PTPRH: variants seen among roughly 807,000 people sequenced by gnomAD.
The protein encoded by PTPRH is receptor-type tyrosine-protein phosphatase H.
PTPRH carries 113 observed loss-of-function variants against 130.2 expected under a neutral mutation model. The observed-to-expected ratio is 0.87, with a 90% CI of 0.75 to 1.01. The LOEUF is 1.01. Among genes scored for constraint, PTPRH ranks in the 50% least tolerant of loss-of-function variants. The pLI is 0.00. For synonymous variants in PTPRH, 556 were observed against 577.9 expected (o/e 0.96, Z 0.54); for missense variants, 1,430 against 1,425.0 (o/e 1.00, Z -0.06).
At chr19:55,204,705 C>T (rs541777321) in intron 4 of PTPRH, among the ~76,000 whole-genome samples, 18 of 152,236 alleles carry the variant, frequency 1.2e-4, no homozygotes, top group Non-Finnish European at 2.4e-4. Context: ...CCTGAGCCAG[C>T]GCTTTCCAAC....
At chr19:55,188,231 G>T in intron 12 of PTPRH, 63 bp from the exon 13 acceptor site, 5 of 1,338,136 alleles carry the variant, frequency 3.7e-6, no homozygotes, top group South Asian at 1.2e-5. Context: ...CACTTTTGAG[G>T]GCTGGGCATG....
chr19:55,196,722 C>T lies in PTPRH; in HGVS notation c.2057G>A (p.Trp686Ter). ...TSAGYGVNLI[W>*]SCPQGGYEAF... The stretch of plus-strand genomic sequence containing the variant: ...CTCGTAGCCTCCCTGGGGGCAGGAC[C>T]AGATCAAGTTGACTCCATAGCCCGC... Residue 686 changes from tryptophan (W) to a stop codon, truncating the protein, a stop_gained, in exon 10 of 20, where the codon TGG becomes TAG. Coordinates refer to ENST00000376350, the MANE Select transcript of PTPRH (RefSeq NM_002842.5). LOFTEE classifies it high-confidence loss of function. 2 of 1,614,088 alleles carry T rather than the reference C, an allele frequency of 1.2e-6. No homozygotes were observed. Among genetic ancestry groups the T allele is most frequent in the Non-Finnish European group, 1.7e-6 (2 of 1,180,014 alleles).
chr19:55,191,967 TCC>T, intron 10 of PTPRH: 1 of 662,578 alleles, frequency 1.5e-6, no homozygotes. Flanking sequence ...TACCTCCTCC[TCC>T]TCCTCCGCCT....
In PTPRH at chr19:55,185,994, G is replaced by C; in HGVS notation, c.2779-10C>G. 1 of 1,613,906 alleles carries C rather than the reference G, an allele frequency of 6.2e-7. No homozygotes were observed. Among genetic ancestry groups the C allele is most frequent in the Non-Finnish European group, 8.5e-7 (1 of 1,179,884 alleles). ...AATGCTCACACTTCACCTGGGGGAG[G>C]AGGAGGGGTCAGAGAACACAACTCC... On this transcript the variant is annotated splice_polypyrimidine_tract_variant and intron_variant, in intron 16 of 19. Coordinates refer to ENST00000376350, the MANE Select transcript of PTPRH (RefSeq NM_002842.5).
intron 10 of PTPRH, among the ~76,000 whole-genome samples, chr19:55,193,827 T>A (rs188542725): frequency 6.6e-6 from 1 of 150,914 alleles, no homozygotes; most frequent in East Asian, 2.0e-4. Flanking sequence ...CCTACCCAGA[T>A]CTGGTGGTGT....
At chr19:55,190,263 G>A (rs1329206668) in intron 12 of PTPRH, among the ~76,000 whole-genome samples, 9 of 150,158 alleles carry the variant, frequency 6.0e-5, no homozygotes, top group South Asian at 2.1e-4. Context: ...CCAGCTACTC[G>A]GGAGGCTGAG....
chr19:55,205,688 G>A (rs2087027263), intron 3 of PTPRH, 96 bp from the exon 4 acceptor site: 1 of 1,551,108 alleles, frequency 6.4e-7, no homozygotes, highest in African/African-American at 1.4e-5. Context: ...GTAGAGGCAG[G>A]GAGGCCCAGC....
At position 55,200,221 on chromosome 19, in the gene PTPRH, G is replaced by A. The variant is rs1398982012; in HGVS notation, c.1420+15C>T. 1.9e-6 allele frequency: 3 copies of A among 1,613,178 alleles called. No individual in the cohort carries two copies. Among genetic ancestry groups the A allele is most frequent in the East Asian group, 2.2e-5 (1 of 44,882 alleles). ...CCTCTCACCAAAACAGGGAGTGGCC[G>A]TTGAGGGTTCCTACCTGTGGAGATG... On this transcript the variant is annotated intron_variant, in intron 7 of 19. Coordinates refer to ENST00000376350, the MANE Select transcript of PTPRH (RefSeq NM_002842.5).
At chr19:55,203,750 G>A (rs1414514231) in intron 5 of PTPRH, 32 bp downstream of exon 5, 1 of 1,578,982 alleles carries the variant, frequency 6.3e-7, no homozygotes, top group Non-Finnish European at 8.6e-7. Context: ...CCTTATAAAA[G>A]AAATAAAAAT....
chr19:55,195,880 A>C (rs2086666082), intron 10 of PTPRH, among the ~76,000 whole-genome samples: 1 of 151,986 alleles, frequency 6.6e-6, no homozygotes, highest in African/African-American at 2.4e-5. Flanking sequence ...CTATGATTGC[A>C]TTTTAATGAA....
intron 13 of PTPRH, 116 bp from the exon 14 acceptor site, chr19:55,187,719 C>T (rs2288526): frequency 0.13 from 94,380 of 747,136 alleles, 6,962 homozygotes; most frequent in African/African-American, 0.22. Flanking sequence ...TCGTTGCACC[C>T]TGAGATTATA....
chr19:55,204,871 C>A (rs945125608), intron 4 of PTPRH, among the ~76,000 whole-genome samples: 2 of 152,152 alleles, frequency 1.3e-5, no homozygotes, highest in African/African-American at 4.8e-5. Context: ...ATTTAATAGC[C>A]ATGTGTGGCT....
chr19:55,200,402 G>C lies in PTPRH; in HGVS notation c.1254C>G (p.Thr418=). Reference sequence around the variant, plus strand: ...CGTCTCCAGTGTACTCTACCCAGTAGGTGTAGTCCTGAGGGTATGGGCCAT... The same window carrying C: ...CGTCTCCAGTGTACTCTACCCAGTACGTGTAGTCCTGAGGGTATGGGCCAT... ...VPDGPYPQDY[T]YWVEYTGDGG... Residue 418 remains threonine, a synonymous_variant, in exon 7 of 20, where the codon ACC becomes ACG. Transcript: ENST00000376350. The C allele has an allele frequency of 6.2e-7, 1 of 1,614,218 alleles. No homozygotes were observed. The highest frequency in any genetic ancestry group is 2.2e-5 in the East Asian group (1 of 44,884).
intron 3 of PTPRH, among the ~76,000 whole-genome samples, 154 bp from the exon 4 acceptor site, chr19:55,205,746 CA>C (rs1206938472): frequency 6.6e-6 from 1 of 152,186 alleles, no homozygotes; most frequent in African/African-American, 2.4e-5. Context: ...GAGTGTTGAG[CA>C]CCGTGAGGTG....
At chr19:55,194,418 G>A (rs1691196488) in intron 10 of PTPRH, 5 of 1,045,198 alleles carry the variant, frequency 4.8e-6, no homozygotes, top group Non-Finnish European at 3.7e-6. Flanking sequence ...TTCTCTCAGG[G>A]ATCCTTGTTA....
chr19:55,207,813 G>C (rs2087119053), intron 1 of PTPRH, among the ~76,000 whole-genome samples: 1 of 93,054 alleles, frequency 1.1e-5, no homozygotes, highest in Non-Finnish European at 2.1e-5. Context: ...TGGATTCCTG[G>C]GTCTGAGGGA....
intron 12 of PTPRH, among the ~76,000 whole-genome samples, chr19:55,189,095 C>G (rs1432817597): frequency 1.3e-5 from 2 of 152,198 alleles, no homozygotes; most frequent in African/African-American, 4.8e-5. Context: ...AAGTGATTCT[C>G]CTGCCTCTGC....
At chr19:55,194,026 T>G in intron 10 of PTPRH, 1 of 538,272 alleles carries the variant, frequency 1.9e-6, no homozygotes, top group Non-Finnish European at 2.9e-6. Context: ...TTTTTTGTAT[T>G]TTTAGTAGAG....
chr19:55,181,598 C>A lies in PTPRH; in HGVS notation c.*156G>T, dbSNP rs1212362340. ...CTCATCTGAAGCCCACCAGACCACT[C>A]TCTCCTGGGGAAACCAGAGTTTGGG... On this transcript the variant is annotated 3_prime_UTR_variant, in exon 20 of 20. Transcript: ENST00000376350. 12 of 1,025,992 alleles carry A rather than the reference C, an allele frequency of 1.2e-5. No individual in the cohort carries two copies. The highest frequency in any genetic ancestry group is 1.7e-5 in the Non-Finnish European group (12 of 698,164). The allele number at this position is 1,025,992 out of a possible 1,614,324, so 63.6% of individuals were successfully genotyped here.
Sources: gnomAD v4.1 joint callset for allele counts (sites outside exome capture counted in the v4.1 genomes callset) on GRCh38, gnomAD v4.1.1 for gene constraint, MANE v1.5 for transcripts, NCBI Gene and HGNC (gene_info 2026-07-23, HGNC 2026-07-21) for gene names.